Variants in MGAT5 observed in about 807,000 individuals in gnomAD.
MGAT5 encodes the protein alpha-1,6-mannosylglycoprotein 6-beta-N-acetylglucosaminyltransferase A.
A neutral mutation model predicts 94.3 loss-of-function variants in MGAT5; 30 were observed. The ratio of observed to expected loss-of-function variants is 0.32; its 90% CI spans 0.24 to 0.43. MGAT5 has a LOEUF of 0.43. Among genes scored for constraint, MGAT5 ranks in the 20% least tolerant of loss-of-function variants. The pLI is 1.00. For synonymous variants in MGAT5, 310 were observed against 322.9 expected (o/e 0.96, Z 0.43); for missense variants, 691 against 905.5 (o/e 0.76, Z 3.04).
intron 1 of MGAT5, among the ~76,000 whole-genome samples, chr2:134,180,168 G>A (rs1688667972): frequency 6.6e-6 from 1 of 152,172 alleles, no homozygotes; most frequent in Non-Finnish European, 1.5e-5. Context: ...ATAACTGTAA[G>A]TATACTCAGT....
At position 134,426,558 on chromosome 2, in the gene MGAT5, T is replaced by A. The variant is rs905353040; in HGVS notation, c.1795-1807T>A. On this transcript the variant is annotated intron_variant, in intron 13 of 15. Transcript: ENST00000281923. ...AGATGACCATGGATGTTTATTTCACTGTACAAATCCTACTTTAACACTGAT... is the reference window on the plus strand; with the variant it reads ...AGATGACCATGGATGTTTATTTCACAGTACAAATCCTACTTTAACACTGAT... 4.6e-5 allele frequency among the ~76,000 whole-genome samples: 7 copies of A among 152,224 alleles called. No homozygotes were observed. The South Asian group carries it at 1.4e-3, about 32-fold the overall frequency.
At chr2:134,169,135 T>C (rs1457837261) in intron 1 of MGAT5, among the ~76,000 whole-genome samples, 1 of 152,212 alleles carries the variant, frequency 6.6e-6, no homozygotes, top group East Asian at 1.9e-4. Flanking sequence ...TGCAGGTTTC[T>C]GGTAGAATGC....
At chr2:134,131,766 A>G (rs1686185744) in intron 1 of MGAT5, among the ~76,000 whole-genome samples, 1 of 151,596 alleles carries the variant, frequency 6.6e-6, no homozygotes, top group Non-Finnish European at 1.5e-5. Context: ...ATGTTAGCAC[A>G]TGCTGTGTAT....
At chr2:134,446,087 C>T (rs1685755503) in intron 15 of MGAT5, among the ~76,000 whole-genome samples, 1 of 152,114 alleles carries the variant, frequency 6.6e-6, no homozygotes, top group Non-Finnish European at 1.5e-5. Context: ...CAGTTGAACC[C>T]TTGAGGAGCT....
Position 134,264,974 on chromosome 2 carries a change from C to G in MGAT5, c.242-5412C>G, listed in dbSNP as rs146175036. On this transcript the variant is annotated intron_variant, in intron 1 of 15. Coordinates refer to ENST00000281923, the MANE Select transcript of MGAT5 (RefSeq NM_002410.5). Reference sequence around the variant, plus strand: ...TTGGTTCTGTGCCATAGTATCATGGCGGCCGTACCTTCACAGTAGATCTCA... The same window carrying G: ...TTGGTTCTGTGCCATAGTATCATGGGGGCCGTACCTTCACAGTAGATCTCA... Among the ~76,000 whole-genome samples the G allele has an allele frequency of 6.6e-3, 1,008 of 152,320 alleles. 12 individuals are homozygous for G. The highest frequency in any genetic ancestry group is 8.9e-3 in the Non-Finnish European group (606 of 68,024).
intron 14 of MGAT5, among the ~76,000 whole-genome samples, chr2:134,441,481 A>G (rs1685483930): frequency 6.6e-6 from 1 of 152,098 alleles, no homozygotes; most frequent in South Asian, 2.1e-4. Context: ...TGCCAAGCTC[A>G]TCACAAGTAT....
intron 1 of MGAT5, among the ~76,000 whole-genome samples, chr2:134,180,462 A>G (rs1018440619): frequency 2.6e-5 from 4 of 152,198 alleles, no homozygotes; most frequent in African/African-American, 9.7e-5. Context: ...AAAACCATGT[A>G]TTTCATAGGA....
intron 1 of MGAT5, among the ~76,000 whole-genome samples, chr2:134,130,530 C>T (rs1686101574): frequency 6.6e-6 from 1 of 152,226 alleles, no homozygotes; most frequent in Non-Finnish European, 1.5e-5. Flanking sequence ...GTGTATGCAC[C>T]AATCAGCACT....
intron 7 of MGAT5, among the ~76,000 whole-genome samples, 164 bp from the exon 8 acceptor site, chr2:134,344,766 T>C (rs1477624591): frequency 6.6e-6 from 1 of 152,162 alleles, no homozygotes; most frequent in Non-Finnish European, 1.5e-5. Context: ...TTGGCCTTAA[T>C]GGATGGAAAT....
chr2:134,251,727 T>A (rs1432154660), upstream of MGAT5, among the ~76,000 whole-genome samples: 3 of 152,238 alleles, frequency 2.0e-5, no homozygotes, highest in Non-Finnish European at 2.9e-5. Context: ...ATAGTTAGCA[T>A]GCACATCACC....
At chr2:134,209,125 T>A (rs1680165315) in intron 1 of MGAT5, among the ~76,000 whole-genome samples, 1 of 149,644 alleles carries the variant, frequency 6.7e-6, no homozygotes, top group Admixed American at 6.6e-5. Flanking sequence ...AGAGGGATTG[T>A]ATATAGAACT....
intron 2 of MGAT5, among the ~76,000 whole-genome samples, chr2:134,308,139 T>A (rs1042503299): frequency 1.3e-5 from 2 of 152,146 alleles, no homozygotes; most frequent in African/African-American, 2.4e-5. Context: ...TAAGATACAG[T>A]GGTGTTACTA....
chr2:134,419,442 T>TGTGTGTGTGTGTGTGTGTG (rs778375692), intron 12 of MGAT5, among the ~76,000 whole-genome samples: 1 of 134,136 alleles, frequency 7.5e-6, no homozygotes, highest in Non-Finnish European at 1.6e-5. Flanking sequence ...GCTTCAGGGT[T>TGTGTGTGTGTGTGTGTGTG]TGTGTGTGTG....
intron 1 of MGAT5, among the ~76,000 whole-genome samples, chr2:134,197,691 A>G (rs1289321908): frequency 6.6e-6 from 1 of 152,214 alleles, no homozygotes; most frequent in East Asian, 1.9e-4. Context: ...AGAAACCTCA[A>G]ACAATACTGA....
intron 10 of MGAT5, among the ~76,000 whole-genome samples, chr2:134,386,924 T>C (rs1682018360): frequency 1.3e-5 from 2 of 151,844 alleles, no homozygotes. Context: ...AATAACAAAA[T>C]GTTAACACAC....
At chr2:134,354,985 G>A (rs1348079308) in intron 9 of MGAT5, among the ~76,000 whole-genome samples, 2 of 152,136 alleles carry the variant, frequency 1.3e-5, no homozygotes, top group African/African-American at 4.8e-5. Context: ...TTTTGTCCAT[G>A]GGATCATTTT....
At chr2:134,298,329 C>CTCA (rs1207417210) in intron 2 of MGAT5, among the ~76,000 whole-genome samples, 4 of 152,142 alleles carry the variant, frequency 2.6e-5, no homozygotes, top group African/African-American at 9.7e-5. Flanking sequence ...AACTCCCGAC[C>CTCA]TCAAGTGATC....
chr2:134,121,846 A>C (rs941232601), intron 1 of MGAT5, among the ~76,000 whole-genome samples: 1 of 152,264 alleles, frequency 6.6e-6, no homozygotes. Context: ...TTTTACTCCA[A>C]GAGACTCCCC....
At chr2:134,357,301 A>G (rs1302551606) in intron 9 of MGAT5, among the ~76,000 whole-genome samples, 1 of 152,182 alleles carries the variant, frequency 6.6e-6, no homozygotes, top group Non-Finnish European at 1.5e-5. Context: ...TGGGCTTTCA[A>G]GTGGCATTCA....
Sources: gnomAD v4.1 joint callset for allele counts (sites outside exome capture counted in the v4.1 genomes callset) on GRCh38, gnomAD v4.1.1 for gene constraint, MANE v1.5 for transcripts, NCBI Gene and HGNC (gene_info 2026-07-23, HGNC 2026-07-21) for gene names.